The following GCN1 variants were observed in gnomAD, a reference collection of about 807,000 sequenced individuals.
GCN1 encodes the protein GCN1 activator of EIF2AK4.
GCN1 carries 90 observed loss-of-function variants against 288.4 expected under a neutral mutation model. That is an observed-to-expected ratio of 0.31 (90% CI 0.26 to 0.37). The LOEUF is 0.37. GCN1 is among the 10% of genes least tolerant of loss of function. The pLI, the probability that GCN1 is intolerant of heterozygous loss-of-function variation, is 1.00. For synonymous variants in GCN1, 1,386 were observed against 1,420.2 expected, an observed-to-expected ratio of 0.98 and a Z score of 0.54; for missense variants, 2,586 against 3,419.9, an observed-to-expected ratio of 0.76 and a Z score of 6.08.
chr12:120,181,839 C>CAAAA (rs1253486479), intron 5 of GCN1, among the ~76,000 whole-genome samples: 15 of 59,960 alleles, frequency 2.5e-4, no homozygotes, highest in African/African-American at 9.0e-4. Context: ...AACTCCGTCT[C>CAAAA]AAAAAAAAAA....
chr12:120,167,114 T>G (rs929519324), intron 16 of GCN1, among the ~76,000 whole-genome samples: 2 of 150,732 alleles, frequency 1.3e-5, no homozygotes, highest in African/African-American at 4.9e-5. Context: ...CCGAGGCAGG[T>G]GGATCACCTG....
rs778864025 is a variant in GCN1, at chr12:120,150,049, G to T, written c.4310-6C>A. 2 of 1,613,672 alleles carry T rather than the reference G, an allele frequency of 1.2e-6. No homozygotes were observed. The highest frequency in any genetic ancestry group is 1.7e-6 in the Non-Finnish European group (2 of 1,179,898). On this transcript the variant is annotated splice_polypyrimidine_tract_variant and splice_region_variant and intron_variant, in intron 34 of 57. Coordinates refer to ENST00000300648, the MANE Select transcript of GCN1 (RefSeq NM_006836.2). Reference sequence around the variant, plus strand: ...CTCGAAGGCAAAGAGGGCTCCTAGGGGAAAAGAAGGTGGGACGGCTGGGAA... The same window carrying T: ...CTCGAAGGCAAAGAGGGCTCCTAGGTGAAAAGAAGGTGGGACGGCTGGGAA...
chr12:120,130,827 G>A, intron 55 of GCN1, 74 bp from the exon 56 acceptor site: 1 of 871,944 alleles, frequency 1.1e-6, no homozygotes, highest in Middle Eastern at 2.9e-4. Context: ...CCAGTTCCTA[G>A]TAATCTCCAG....
In GCN1 at chr12:120,134,267, C is replaced by T; in HGVS notation, c.7317+24G>A. 2 of 1,518,048 alleles carry T rather than the reference C, an allele frequency of 1.3e-6. No individual in the cohort carries two copies. The highest frequency in any genetic ancestry group is 1.8e-6 in the Non-Finnish European group (2 of 1,092,890). 94.0% of individuals were successfully genotyped at this position (1,518,048 alleles called of 1,614,324 possible). A position where few individuals can be genotyped will look rare whatever the true frequency, so the allele number is the denominator to read the frequency against. On this transcript the variant is annotated intron_variant, in intron 53 of 57. Coordinates refer to ENST00000300648, the MANE Select transcript of GCN1 (RefSeq NM_006836.2). The surrounding 1 kb of genome is among the most constrained non-coding windows in gnomAD (Gnocchi z 5.0). ...AGGGAAACCAGTGGTCCAGTGCTGC[C>T]ACTAGTCCTGCCTGCAGCCGTACCT... is the stretch of plus-strand genomic sequence containing the variant.
At chr12:120,171,999 C>A (rs1878327873) in intron 14 of GCN1, among the ~76,000 whole-genome samples, 1 of 151,838 alleles carries the variant, frequency 6.6e-6, no homozygotes, top group Non-Finnish European at 1.5e-5. Flanking sequence ...GTAGCTGGGA[C>A]CACAGGCATG....
At chr12:120,146,510 C>T (rs959017991) in intron 38 of GCN1, among the ~76,000 whole-genome samples, 9 of 151,990 alleles carry the variant, frequency 5.9e-5, no homozygotes, top group African/African-American at 2.2e-4. Context: ...GGATTACAAG[C>T]ATTAGCCACC....
chr12:120,128,627 G>A (rs750631753), intron 57 of GCN1, among the ~76,000 whole-genome samples: 1 of 151,978 alleles, frequency 6.6e-6, no homozygotes, highest in African/African-American at 2.4e-5. Context: ...GTGAGCCACC[G>A]CGGCTGGCCA....
rs1394313765 is a variant in GCN1 at position 120,153,628 on chromosome 12, T to C, written c.3867+116A>G. On this transcript the variant is annotated intron_variant, in intron 32 of 57. Transcript: ENST00000300648. This position sits in a 1 kb window ranked among gnomAD's most constrained non-coding sequence, Gnocchi z 4.4. ...GGCTCAAAGTGCTCTGCCAGGACTC[T>C]TGGCACTCAGCATTTCTGGCCCCTG... The C allele has an allele frequency of 8.6e-6, 9 of 1,042,178 alleles. No homozygotes were observed. The highest frequency in any genetic ancestry group is 2.9e-4 in the Middle Eastern group (1 of 3,482). The allele number at this position is 1,042,178 out of a possible 1,614,324, so 64.6% of individuals were successfully genotyped here.
chr12:120,150,092 G>A (rs772413388), intron 34 of GCN1, 49 bp from the exon 35 acceptor site: 4 of 1,602,982 alleles, frequency 2.5e-6, no homozygotes, highest in African/African-American at 1.3e-5. Context: ...TCCCCTGGGG[G>A]TAGCCACAGA....
intron 2 of GCN1, among the ~76,000 whole-genome samples, chr12:120,190,026 T>C (rs938543672): frequency 6.6e-6 from 1 of 151,544 alleles, no homozygotes; most frequent in Non-Finnish European, 1.5e-5. Flanking sequence ...TTATTTTTGA[T>C]ATGGAACACT....
rs1190939956 is a variant in GCN1 at position 120,166,401 on chromosome 12, C to CAA, written c.1613-1682_1613-1681dup. 6.7e-3 allele frequency among the ~76,000 whole-genome samples: 302 copies of CAA among 44,872 alleles called. 8 individuals are homozygous for CAA. Among genetic ancestry groups the CAA allele is most frequent in the African/African-American group, 0.022 (267 of 12,310 alleles). The allele number at this position is 44,872 out of a possible 152,430, so 29.4% of individuals were successfully genotyped here. On this transcript the variant is annotated intron_variant, in intron 16 of 57. Transcript: ENST00000300648. ...CCTGGGCAACAGAGTGAGACTGTCTCAAAAAAAAAAAAAAAAAAAAATGCC... is the reference window on the plus strand; with the variant it reads ...CCTGGGCAACAGAGTGAGACTGTCTCAAAAAAAAAAAAAAAAAAAAAAATGCC...
intron 35 of GCN1, 30 bp downstream of exon 35, chr12:120,149,892 G>A (rs1398252209): frequency 1.4e-5 from 22 of 1,613,556 alleles, no homozygotes; most frequent in African/African-American, 2.7e-5. Flanking sequence ...AAGTTTCCAT[G>A]CTGTTCTCCC....
At chr12:120,129,529 G>T in intron 56 of GCN1, 35 bp from the exon 57 acceptor site, 1 of 1,479,924 alleles carries the variant, frequency 6.8e-7, no homozygotes, top group Non-Finnish European at 9.5e-7. Context: ...TTTTGGATAG[G>T]CATGTCATCT....
intron 1 of GCN1, among the ~76,000 whole-genome samples, chr12:120,191,440 G>A (rs926776755): frequency 6.6e-6 from 1 of 152,234 alleles, no homozygotes; most frequent in Non-Finnish European, 1.5e-5. Context: ...CAAGTGGACA[G>A]GTTGTGGATT....
At chr12:120,174,300 G>C (rs1878402779) in intron 12 of GCN1, 131 bp from the exon 13 acceptor site, 1 of 632,916 alleles carries the variant, frequency 1.6e-6, no homozygotes, top group East Asian at 2.8e-5. Flanking sequence ...CCTCTCCTTT[G>C]GCCATTATTG....
rs1877094310 is a variant in GCN1, at chr12:120,138,797, C to T, written c.6054G>A (p.Leu2018=). The stretch of plus-strand genomic sequence containing the variant: ...TGGCTGCCGCCTCTCTGACCTCCTC[C>T]AGTGGGTCACACAAAGCCTTCCTTG... ...PTARKALCDP[L]EEVREAAAKT... is the part of the protein sequence containing the mutation. Residue 2018 remains leucine (L), a synonymous_variant, in exon 46 of 58, where the codon CTG becomes CTA. Transcript: ENST00000300648. 6.2e-7 allele frequency: 1 copy of T among 1,613,996 alleles called. No individual in the cohort carries two copies. Among genetic ancestry groups the T allele is most frequent in the African/African-American group, 1.3e-5 (1 of 74,954 alleles).
In GCN1 at chr12:120,135,752, A is replaced by C. The variant is rs190462029; in HGVS notation, c.7008+750T>G. 4.1e-3 allele frequency among the ~76,000 whole-genome samples: 617 copies of C among 152,160 alleles called. 5 individuals are homozygous for C. The highest frequency in any genetic ancestry group is 0.014 in the African/African-American group (591 of 41,524). On this transcript the variant is annotated intron_variant, in intron 51 of 57. Transcript: ENST00000300648. ...AAATACTGGAGTTGGGTGGGTGTGC[A>C]GGCTGTGGCAGGCACACAAAGGGGA...
intron 24 of GCN1, among the ~76,000 whole-genome samples, chr12:120,159,218 C>T (rs1594274349): frequency 6.6e-6 from 1 of 152,104 alleles, no homozygotes; most frequent in Admixed American, 6.6e-5. Context: ...TCCACCTCTA[C>T]GCAACAAGCC....
At chr12:120,133,208 GGTGT>G (rs141873215) in intron 53 of GCN1, among the ~76,000 whole-genome samples, 17 of 151,934 alleles carry the variant, frequency 1.1e-4, no homozygotes, top group East Asian at 1.9e-4. Flanking sequence ...AGTGTGTGTG[GGTGT>G]GTGTGTGTGT....
Sources: allele counts gnomAD v4.1 joint callset (sites outside exome capture counted in the v4.1 genomes callset), GRCh38; gene constraint gnomAD v4.1.1; non-coding constraint Gnocchi (gnomAD v3.1); transcripts MANE v1.5; gene names NCBI Gene and HGNC (gene_info 2026-07-23, HGNC 2026-07-21).